Variants in CNKSR3 observed in about 807,000 individuals in gnomAD.
CNKSR3 encodes the protein connector enhancer of kinase suppressor of ras 3.
In CNKSR3, 36 loss-of-function variants were observed where a neutral mutation model predicts 67.7. That is an observed-to-expected ratio of 0.53 (90% CI 0.41 to 0.70). The LOEUF is 0.70. Among genes scored for constraint, CNKSR3 ranks in the 30% least tolerant of loss-of-function variants. The pLI is 0.00. For synonymous variants in CNKSR3, 281 were observed against 271.4 expected (o/e 1.04, Z -0.35); for missense variants, 630 against 695.2 (o/e 0.91, Z 1.05).
At chr6:154,495,774 G>T (rs371810750) in intron 1 of CNKSR3, among the ~76,000 whole-genome samples, 1 of 152,050 alleles carries the variant, frequency 6.6e-6, no homozygotes, top group South Asian at 2.1e-4. Context: ...TTCAGACCCT[G>T]CCAGGGCGCA....
Position 154,389,988 on chromosome 6 carries a change from A to C in CNKSR3, c.*16366T>G, listed in dbSNP as rs1473081110. ...TTTTATAGAAAAATAAACAAACTCA[A>C]GTATGCAGAGTTAAGTTAATCATAA... On this transcript the variant is annotated 3_prime_UTR_variant, in exon 13 of 13. Transcript: ENST00000607772. 6.6e-6 allele frequency: 1 copy of C among 152,246 alleles called. No homozygotes were observed. Among genetic ancestry groups the C allele is most frequent in the Admixed American group, 6.5e-5 (1 of 15,282 alleles). The allele number at this position is 152,246 out of a possible 1,614,324, so 9.4% of individuals were successfully genotyped here.
At chr6:154,473,862 GCAACCTCCGACT>G (rs2114630322) in intron 1 of CNKSR3, among the ~76,000 whole-genome samples, 1 of 151,736 alleles carries the variant, frequency 6.6e-6, no homozygotes, top group Admixed American at 6.6e-5. Flanking sequence ...TCAGCTCACT[GCAACCTCCGACT>G]CCCTGGTTCA....
intron 1 of CNKSR3, among the ~76,000 whole-genome samples, chr6:154,483,367 G>A (rs938284423): frequency 8.5e-5 from 13 of 152,182 alleles, no homozygotes; most frequent in Non-Finnish European, 1.8e-4. Flanking sequence ...AAGAGGAACA[G>A]TGCGAGTACA....
intron 7 of CNKSR3, among the ~76,000 whole-genome samples, chr6:154,427,045 T>C (rs946991579): frequency 2.6e-5 from 4 of 152,310 alleles, no homozygotes; most frequent in South Asian, 2.1e-4. Flanking sequence ...GGAGGTGACA[T>C]GGTATAAAAA....
Position 154,391,183 on chromosome 6 carries a change from G to A in CNKSR3, c.*15171C>T, listed in dbSNP as rs1784602696. 6.6e-6 allele frequency: 1 copy of A among 152,056 alleles called. No homozygotes were observed. The highest frequency in any genetic ancestry group is 6.6e-5 in the Admixed American group (1 of 15,262). The allele number at this position is 152,056 out of a possible 1,614,324, so 9.4% of individuals were successfully genotyped here. ...TTCCTCCATGTGCATACATATCTGT[G>A]TCCACATGTCCTTGATTGAGCCCAC... On this transcript the variant is annotated 3_prime_UTR_variant, in exon 13 of 13. Transcript: ENST00000607772.
At chr6:154,505,779 C>A (rs959009407) in intron 1 of CNKSR3, among the ~76,000 whole-genome samples, 1 of 151,966 alleles carries the variant, frequency 6.6e-6, no homozygotes. Context: ...GGATTACAGG[C>A]GTGAGCCACC....
intron 7 of CNKSR3, among the ~76,000 whole-genome samples, chr6:154,427,420 G>A (rs1211184206): frequency 1.3e-5 from 2 of 152,156 alleles, no homozygotes; most frequent in African/African-American, 2.4e-5. Flanking sequence ...CAGACCCAGG[G>A]AAGCTATTCA....
At chr6:154,415,618 C>T (rs1785009677) in intron 9 of CNKSR3, among the ~76,000 whole-genome samples, 1 of 152,122 alleles carries the variant, frequency 6.6e-6, no homozygotes, top group Non-Finnish European at 1.5e-5. Context: ...AGGATAGCAC[C>T]AACATAGGGT....
At chr6:154,432,059 T>C (rs1785379331) in intron 5 of CNKSR3, among the ~76,000 whole-genome samples, 1 of 152,188 alleles carries the variant, frequency 6.6e-6, no homozygotes, top group Non-Finnish European at 1.5e-5. Flanking sequence ...TAAGAATATG[T>C]TTAGTTTTGT....
rs959063349 is a variant in CNKSR3, at chr6:154,400,315, C to T, written c.*6039G>A. On this transcript the variant is annotated 3_prime_UTR_variant, in exon 13 of 13. Transcript: ENST00000607772. ...TTAGGTGTAGCCTCACGTTTTAATC[C>T]CTGAGGTATGTTGTAAATGGGCAGC... The T allele has an allele frequency of 3.3e-5, 5 of 152,150 alleles. No homozygotes were observed. Among genetic ancestry groups the T allele is most frequent in the Non-Finnish European group, 7.3e-5 (5 of 68,038 alleles). The allele number at this position is 152,150 out of a possible 1,614,324, so 9.4% of individuals were successfully genotyped here. A position where few individuals can be genotyped will look rare whatever the true frequency, so the allele number is the denominator to read the frequency against.
Position 154,430,520 on chromosome 6 carries a change from T to C in CNKSR3, c.621A>G (p.Ala207=). The C allele has an allele frequency of 1.9e-6, 3 of 1,612,948 alleles. No homozygotes were observed. The highest frequency in any genetic ancestry group is 2.5e-6 in the Non-Finnish European group (3 of 1,179,560). The part of the protein sequence containing the change: ...STTDPVMSQC[A]CLEEVHLPNI... ...TTGGTAAGTGAACTTCCTCCAGACA[T>C]GCACACTGGCTCATCACAGGATCTG... is the stretch of plus-strand genomic sequence containing the variant. Residue 207 remains alanine, a synonymous_variant, in exon 6 of 13, where the codon GCA becomes GCG. Transcript: ENST00000607772.
chr6:154,423,003 C>G lies in CNKSR3; in HGVS notation c.730-20G>C. On this transcript the variant is annotated intron_variant, in intron 7 of 12. Transcript: ENST00000607772. ...AGGAGACTGTACAGAAACAAAATAA[C>G]CTGCCTTAATTCTTTTAAACCTTCT... 1 of 1,545,714 alleles carries G rather than the reference C, an allele frequency of 6.5e-7. No homozygotes were observed. Among genetic ancestry groups the G allele is most frequent in the South Asian group, 1.2e-5 (1 of 85,172 alleles).
chr6:154,422,816 T>C, intron 8 of CNKSR3, 99 bp downstream of exon 8: 2 of 1,199,078 alleles, frequency 1.7e-6, no homozygotes, highest in Non-Finnish European at 1.2e-6. Context: ...TAATGAAAAA[T>C]AGGATATAAG....
chr6:154,482,026 T>C (rs1279660217), intron 1 of CNKSR3, among the ~76,000 whole-genome samples: 1 of 152,038 alleles, frequency 6.6e-6, no homozygotes, highest in Non-Finnish European at 1.5e-5. Context: ...TTCCAAAGAG[T>C]TCCCCCTTAT....
intron 1 of CNKSR3, among the ~76,000 whole-genome samples, chr6:154,492,773 A>T (rs553910912): frequency 1.8e-4 from 28 of 151,886 alleles, no homozygotes; most frequent in Admixed American, 1.6e-3. Flanking sequence ...AAACAAAAAA[A>T]AAAACAACAC....
intron 1 of CNKSR3, among the ~76,000 whole-genome samples, chr6:154,502,555 A>G (rs1422164807): frequency 1.3e-5 from 2 of 152,144 alleles, no homozygotes. Context: ...AGCAGAAACC[A>G]GGGACGGGAC....
chr6:154,408,513 A>T (rs971717648), intron 12 of CNKSR3, among the ~76,000 whole-genome samples: 1 of 152,220 alleles, frequency 6.6e-6, no homozygotes, highest in Non-Finnish European at 1.5e-5. Context: ...GGGAACAGTC[A>T]CATTGAAAAA....
At chr6:154,449,201 T>C (rs1207804989) in intron 2 of CNKSR3, among the ~76,000 whole-genome samples, 11 of 152,252 alleles carry the variant, frequency 7.2e-5, no homozygotes, top group Admixed American at 7.2e-4. Flanking sequence ...TTATAGGTCA[T>C]GTCAAGTGCA....
At chr6:154,504,554 T>C (rs1787059652) in intron 1 of CNKSR3, among the ~76,000 whole-genome samples, 1 of 152,190 alleles carries the variant, frequency 6.6e-6, no homozygotes, top group African/African-American at 2.4e-5. Flanking sequence ...CTCCACCCCC[T>C]GGTACAAGTA....
Sources: gnomAD v4.1 joint callset for allele counts (sites outside exome capture counted in the v4.1 genomes callset) on GRCh38, gnomAD v4.1.1 for gene constraint, MANE v1.5 for transcripts, NCBI Gene and HGNC (gene_info 2026-07-23, HGNC 2026-07-21) for gene names.